RBM47: variants seen among roughly 807,000 people sequenced by gnomAD.
RBM47 encodes RNA-binding protein 47.
Under a neutral mutation model 47.1 loss-of-function variants are expected in RBM47, and 21 were observed. The observed-to-expected ratio is 0.45, with a 90% CI of 0.32 to 0.64. The LOEUF (loss-of-function observed/expected upper bound fraction) is 0.64. RBM47 is among the 30% of genes least tolerant of loss of function. The pLI, the probability that RBM47 is intolerant of heterozygous loss-of-function variation, is 0.05. For synonymous variants in RBM47, 375 were observed against 361.7 expected, an observed-to-expected ratio of 1.04 and a Z score of -0.42; for missense variants, 708 against 870.9, an observed-to-expected ratio of 0.81 and a Z score of 2.35.
At chr4:40,624,811 A>G (rs143243942) in intron 1 of RBM47, among the ~76,000 whole-genome samples, 6 of 151,846 alleles carry the variant, frequency 4.0e-5, no homozygotes, top group African/African-American at 1.4e-4. Flanking sequence ...TAATCAAATG[A>G]CAACACACAA....
At chr4:40,453,556 AATTG>A (rs1031186157) in intron 3 of RBM47, among the ~76,000 whole-genome samples, 3 of 152,254 alleles carry the variant, frequency 2.0e-5, no homozygotes, top group Non-Finnish European at 4.4e-5. Context: ...GATGTTAAAT[AATTG>A]ATTAAGATGA....
intron 1 of RBM47, among the ~76,000 whole-genome samples, chr4:40,593,155 A>T (rs542767745): frequency 2.7e-5 from 4 of 147,620 alleles, no homozygotes; most frequent in Non-Finnish European, 4.5e-5. Context: ...CGACCACGCC[A>T]GGCTAATTTT....
chr4:40,574,508 A>G (rs750626161), intron 1 of RBM47, among the ~76,000 whole-genome samples: 37 of 152,216 alleles, frequency 2.4e-4, no homozygotes, highest in Non-Finnish European at 4.3e-4. Flanking sequence ...AGGTAATCAC[A>G]AGATTATAGA....
rs570391171 is a variant in RBM47, at chr4:40,628,602, T to C, written c.-240+794A>G. The stretch of plus-strand genomic sequence containing the variant: ...ACCTTGCCTTAAAACTTTTAAAGAA[T>C]ACATTTTAAAATCTATATTCCTGCT... On this transcript the variant is annotated intron_variant, in intron 1 of 6. Transcript: ENST00000295971. This position sits in a 1 kb window ranked among gnomAD's most constrained non-coding sequence, Gnocchi z 4.0. Among the ~76,000 whole-genome samples the C allele has an allele frequency of 6.6e-6, 1 of 152,222 alleles. No individual in the cohort carries two copies. The highest frequency in any genetic ancestry group is 2.1e-4 in the South Asian group (1 of 4,826).
chr4:40,612,197 T>C (rs1444883813), intron 1 of RBM47, among the ~76,000 whole-genome samples: 1 of 152,164 alleles, frequency 6.6e-6, no homozygotes, highest in Non-Finnish European at 1.5e-5. Context: ...ATGTGGAGAA[T>C]TAATGGTATC....
chr4:40,431,977 A>T (rs983545785), intron 6 of RBM47, among the ~76,000 whole-genome samples: 3 of 151,506 alleles, frequency 2.0e-5, no homozygotes, highest in Non-Finnish European at 4.4e-5. Context: ...CAGCCTCCCC[A>T]GTAGCTGGGA....
intron 1 of RBM47, among the ~76,000 whole-genome samples, chr4:40,593,710 C>T (rs556334893): frequency 1.4e-4 from 21 of 152,150 alleles, no homozygotes; most frequent in South Asian, 1.2e-3. Flanking sequence ...GAAACCCCGT[C>T]TCTACTAAAA....
chr4:40,610,257 A>G lies in RBM47; in HGVS notation c.-240+19139T>C, dbSNP rs149260516. Among the ~76,000 whole-genome samples the G allele has an allele frequency of 4.6e-5, 7 of 152,214 alleles. No homozygotes were observed. In the East Asian group the frequency reaches 1.2e-3, roughly 25 times the overall value. ...GTGCCTAGGTCTTCTGTGTATGGGG[A>G]TCATAATTGTAAGTACTTCATAGTT... On this transcript the variant is annotated intron_variant, in intron 1 of 6. Coordinates refer to ENST00000295971, the MANE Select transcript of RBM47 (RefSeq NM_001098634.2).
chr4:40,574,343 T>C (rs1314671017), intron 1 of RBM47, among the ~76,000 whole-genome samples: 1 of 152,242 alleles, frequency 6.6e-6, no homozygotes, highest in Non-Finnish European at 1.5e-5. Flanking sequence ...AGACTTTTAT[T>C]TGTTTGATTC....
At chr4:40,613,550 T>C (rs528261656) in intron 1 of RBM47, among the ~76,000 whole-genome samples, 94 of 152,340 alleles carry the variant, frequency 6.2e-4, no homozygotes, top group South Asian at 4.1e-4. Context: ...TTCAACTTTT[T>C]ACTGACCTTC....
At chr4:40,549,580 T>C (rs1298951612) in intron 1 of RBM47, among the ~76,000 whole-genome samples, 1 of 148,450 alleles carries the variant, frequency 6.7e-6, no homozygotes, top group East Asian at 2.0e-4. Flanking sequence ...TGGAGTACAG[T>C]GGCATGATCT....
chr4:40,480,193 G>A (rs1012800511), intron 2 of RBM47, among the ~76,000 whole-genome samples: 6 of 152,012 alleles, frequency 3.9e-5, no homozygotes, highest in Admixed American at 3.9e-4. Context: ...GGTCAGGCTG[G>A]TCTCGAACTC....
intron 2 of RBM47, among the ~76,000 whole-genome samples, chr4:40,470,366 T>C (rs1718671222): frequency 6.6e-6 from 1 of 152,176 alleles, no homozygotes; most frequent in Non-Finnish European, 1.5e-5. Flanking sequence ...TTTAATGTTT[T>C]GGGGCATGTG....
At chr4:40,617,417 G>A (rs1051341578) in intron 1 of RBM47, among the ~76,000 whole-genome samples, 1 of 151,806 alleles carries the variant, frequency 6.6e-6, no homozygotes, top group African/African-American at 2.4e-5. Context: ...AAATTAGCTG[G>A]GCATAGTGGT....
chr4:40,515,779 C>T (rs1348712953), intron 2 of RBM47: 1 of 152,234 alleles, frequency 6.6e-6, no homozygotes, highest in Non-Finnish European at 1.5e-5. Flanking sequence ...GACAGCTCTC[C>T]AGCTCCAGGA....
intron 3 of RBM47, among the ~76,000 whole-genome samples, chr4:40,461,111 C>A (rs1717078587): frequency 2.0e-5 from 3 of 151,992 alleles, no homozygotes; most frequent in Admixed American, 6.6e-5. Flanking sequence ...TTTCACTGAA[C>A]CTAGAGTATT....
Position 40,437,803 on chromosome 4 carries a change from A to C in RBM47, c.1091T>G (p.Leu364Arg). 6.2e-7 allele frequency: 1 copy of C among 1,608,622 alleles called. No individual in the cohort carries two copies. Among genetic ancestry groups the C allele is most frequent in the Non-Finnish European group, 8.5e-7 (1 of 1,175,564 alleles). ...AAAGTAGTCCCTGTTGGGCCCAATG[A>C]GCGCGTTGTAGGGGTAGCCGTAGTA... Reference protein sequence around the residue: ...LAYYGYPYNALIGPNRDYFVK... With the variant: ...LAYYGYPYNARIGPNRDYFVK... Residue 364 changes from leucine to arginine, a missense_variant, in exon 4 of 7, where the codon CTC becomes CGC. Transcript: ENST00000295971.
chr4:40,565,386 C>T (rs1281692624), intron 1 of RBM47, among the ~76,000 whole-genome samples: 1 of 152,120 alleles, frequency 6.6e-6, no homozygotes, highest in Non-Finnish European at 1.5e-5. Flanking sequence ...TGGATATTAA[C>T]CCTTTAGTTG....
At chr4:40,598,118 A>G (rs1441193488) in intron 1 of RBM47, among the ~76,000 whole-genome samples, 1 of 152,230 alleles carries the variant, frequency 6.6e-6, no homozygotes, top group Non-Finnish European at 1.5e-5. Flanking sequence ...AAAAGATTAG[A>G]AACAATTTCA....
Sources: gnomAD v4.1 joint callset for allele counts (sites outside exome capture counted in the v4.1 genomes callset) on GRCh38, gnomAD v4.1.1 for gene constraint, Gnocchi (gnomAD v3.1) non-coding constraint, MANE v1.5 for transcripts, NCBI Gene and HGNC (gene_info 2026-07-23, HGNC 2026-07-21) for gene names.